PCBD2: variants seen among roughly 807,000 people sequenced by gnomAD.
PCBD2 encodes the protein pterin-4-alpha-carbinolamine dehydratase 2.
A neutral mutation model predicts 16.4 loss-of-function variants in PCBD2; 12 were observed. That is an observed-to-expected ratio of 0.73 (90% CI 0.47 to 1.19). The LOEUF is 1.19. Among genes scored for constraint, PCBD2 ranks in the 50% most tolerant of loss-of-function variants. PCBD2 has a pLI of 0.00. For synonymous variants in PCBD2, 58 were observed against 61.8 expected (o/e 0.94, Z 0.29); for missense variants, 138 against 156.8 (o/e 0.88, Z 0.64).
intron 2 of PCBD2, among the ~76,000 whole-genome samples, chr5:134,929,215 C>A (rs1459786062): frequency 1.3e-5 from 2 of 152,038 alleles, no homozygotes; most frequent in Non-Finnish European, 2.9e-5. Context: ...AGGCTGTTGG[C>A]TCTTGCCTGT....
At chr5:134,912,951 A>G (rs1750785724) in intron 2 of PCBD2, among the ~76,000 whole-genome samples, 1 of 152,316 alleles carries the variant, frequency 6.6e-6, no homozygotes, top group East Asian at 1.9e-4. Flanking sequence ...GCATAACATT[A>G]AAATAGGATG....
chr5:134,959,114 CA>C lies in PCBD2; in HGVS notation c.293del (p.Asn98ThrfsTer5). The stretch of plus-strand genomic sequence containing the variant: ...ATCACCCAGAATGGTTCAATGTATA[CA>C]ACAAGGTAACTAAACTGCCTTATTT... ...NHHPEWFNVY[N>X]KVQITLTSHD... On this transcript the variant is annotated frameshift_variant, in exon 3 of 4. Coordinates refer to ENST00000254908, the MANE Select transcript of PCBD2 (RefSeq NM_032151.5). LOFTEE classifies it high-confidence loss of function. 6.2e-7 allele frequency: 1 copy of C among 1,610,124 alleles called. No individual in the cohort carries two copies. The highest frequency in any genetic ancestry group is 1.1e-5 in the South Asian group (1 of 90,490).
intron 1 of PCBD2, among the ~76,000 whole-genome samples, chr5:134,906,314 C>T (rs1750689494): frequency 6.8e-6 from 1 of 146,736 alleles, no homozygotes; most frequent in Non-Finnish European, 1.5e-5. Flanking sequence ...CGCCATTTTC[C>T]TGCCTCAGCC....
intron 2 of PCBD2, among the ~76,000 whole-genome samples, chr5:134,929,455 A>C (rs1338526041): frequency 1.3e-5 from 2 of 152,132 alleles, no homozygotes; most frequent in East Asian, 3.9e-4. Context: ...TGAGACACCA[A>C]GTAAGATGAG....
Position 134,960,754 on chromosome 5 carries a change from C to T in PCBD2, c.*73C>T. The T allele has an allele frequency of 4.2e-6, 5 of 1,201,378 alleles. No homozygotes were observed. Among genetic ancestry groups the T allele is most frequent in the Non-Finnish European group, 6.1e-6 (5 of 821,742 alleles). 74.4% of individuals were successfully genotyped at this position (1,201,378 alleles called of 1,614,324 possible). A position where few individuals can be genotyped will look rare whatever the true frequency, so the allele number is the denominator to read the frequency against. ...GTATGTTGAAGGAAATTTATGTGAA[C>T]AAATAGAGTTGTTCTTTTTCTCTTT... On this transcript the variant is annotated 3_prime_UTR_variant, in exon 4 of 4. Transcript: ENST00000254908.
rs1477304514 is a variant in PCBD2, at chr5:134,927,241, G to A, written c.216+16775G>A. On this transcript the variant is annotated intron_variant, in intron 2 of 3. Coordinates refer to ENST00000254908, the MANE Select transcript of PCBD2 (RefSeq NM_032151.5). ...GAGCTTGTTATAATTATGCCTCACAGGGATAGTACAAGGAAGGGGTAGGCT... is the reference window on the plus strand; with the variant it reads ...GAGCTTGTTATAATTATGCCTCACAAGGATAGTACAAGGAAGGGGTAGGCT... 4 of 398,370 alleles carry A rather than the reference G, an allele frequency of 1.0e-5. No individual in the cohort carries two copies. The East Asian group carries it at 1.1e-4, about 11-fold the overall frequency. 24.7% of individuals were successfully genotyped at this position (398,370 alleles called of 1,614,324 possible).
chr5:134,917,253 C>G (rs993793478), intron 2 of PCBD2, among the ~76,000 whole-genome samples: 1 of 152,242 alleles, frequency 6.6e-6, no homozygotes, highest in African/African-American at 2.4e-5. Flanking sequence ...CAGGTGCCAG[C>G]AGGTGGAGCC....
chr5:134,912,361 C>T (rs144227712), intron 2 of PCBD2, among the ~76,000 whole-genome samples: 354 of 152,296 alleles, frequency 2.3e-3, no homozygotes, highest in Admixed American at 6.0e-3. Flanking sequence ...TCCAGCGAAA[C>T]ACAACTAGGA....
chr5:134,932,492 C>A (rs1327617024), intron 2 of PCBD2, among the ~76,000 whole-genome samples: 1 of 152,106 alleles, frequency 6.6e-6, no homozygotes, highest in Admixed American at 6.6e-5. Context: ...CAGGGATGCG[C>A]CACCACGCTC....
chr5:134,944,535 A>G (rs1401615874), intron 2 of PCBD2, among the ~76,000 whole-genome samples: 2 of 151,942 alleles, frequency 1.3e-5, no homozygotes, highest in African/African-American at 2.4e-5. Flanking sequence ...GTGACATTAA[A>G]AAAAAAAACA....
At chr5:134,947,094 A>T (rs1256724599) in intron 2 of PCBD2, among the ~76,000 whole-genome samples, 1 of 151,886 alleles carries the variant, frequency 6.6e-6, no homozygotes, top group Non-Finnish European at 1.5e-5. Context: ...TAAAAAAAAA[A>T]ATTTTTTTTT....
At chr5:134,925,232 A>G (rs1345139461) in intron 2 of PCBD2, 1 of 398,536 alleles carries the variant, frequency 2.5e-6, no homozygotes, top group African/African-American at 2.1e-5. Flanking sequence ...AGAGTAATAG[A>G]CAGGGCTCAG....
chr5:134,932,789 G>A (rs1009460826), intron 2 of PCBD2, among the ~76,000 whole-genome samples: 8 of 151,950 alleles, frequency 5.3e-5, no homozygotes, highest in South Asian at 2.1e-4. Context: ...TGGCCAATTC[G>A]GAGTTTCTTA....
At chr5:134,931,532 G>A (rs1751095699) in intron 2 of PCBD2, among the ~76,000 whole-genome samples, 1 of 152,148 alleles carries the variant, frequency 6.6e-6, no homozygotes. Context: ...CCTAAGGTTA[G>A]GTGTTCGTAT....
rs1751390954 is a variant in PCBD2 at position 134,954,231 on chromosome 5, G to T, written c.217-4809G>T. On this transcript the variant is annotated intron_variant, in intron 2 of 3. Coordinates refer to ENST00000254908, the MANE Select transcript of PCBD2 (RefSeq NM_032151.5). ...CAACCTTGGATTCCCAAAGCGCTGG[G>T]ATTACAGGCATGAACCATTGTGCCC... 2.6e-5 allele frequency among the ~76,000 whole-genome samples: 4 copies of T among 152,194 alleles called. No homozygotes were observed. In the South Asian group the frequency reaches 8.3e-4, roughly 32 times the overall value.
intron 1 of PCBD2, among the ~76,000 whole-genome samples, chr5:134,907,492 C>T (rs990202484): frequency 3.3e-5 from 5 of 152,122 alleles, no homozygotes; most frequent in Admixed American, 2.6e-4. Context: ...CTGCTCGCCT[C>T]GGCCTCCCAA....
chr5:134,940,393 AC>A (rs1751211532), intron 2 of PCBD2, among the ~76,000 whole-genome samples: 1 of 150,662 alleles, frequency 6.6e-6, no homozygotes, highest in African/African-American at 2.4e-5. Context: ...TTTATTTCTG[AC>A]CTTGTGCCCA....
At position 134,905,170 on chromosome 5, in the gene PCBD2, A is replaced by G. The variant is rs1289108808; in HGVS notation, c.31A>G (p.Thr11Ala). 4 of 1,222,574 alleles carry G rather than the reference A, an allele frequency of 3.3e-6. No homozygotes were observed. Among genetic ancestry groups the G allele is most frequent in the Non-Finnish European group, 3.1e-6 (3 of 982,612 alleles). The allele number at this position is 1,222,574 out of a possible 1,614,324, so 75.7% of individuals were successfully genotyped here. MAAVLGALGATRRLLAALRGQ... is the reference protein window; with the variant it reads MAAVLGALGAARRLLAALRGQ... Reference sequence around the variant, plus strand: ...GGCGGTGCTCGGGGCGCTCGGGGCGACGCGGCGCTTGTTGGCGGCGCTGCG... The same window carrying G: ...GGCGGTGCTCGGGGCGCTCGGGGCGGCGCGGCGCTTGTTGGCGGCGCTGCG... The change falls in exon 1 of 4, where the codon ACG becomes GCG. Residue 11 changes from threonine (T) to alanine (A), a missense_variant. Thr to Ala is a moderately conservative substitution (Grantham distance 58, BLOSUM62 0). Coordinates refer to ENST00000254908, the MANE Select transcript of PCBD2 (RefSeq NM_032151.5).
rs183102831 is a variant in PCBD2 at position 134,962,347 on chromosome 5, G to A, written c.*1666G>A. 1.0e-3 allele frequency among the ~76,000 whole-genome samples: 154 copies of A among 152,050 alleles called. No homozygotes were observed. The highest frequency in any genetic ancestry group is 3.4e-3 in the Middle Eastern group (1 of 294). ...GGGCTCGAGTAATCCTCCTGCCTTG[G>A]CCTCTCAAAATGTTGGGATTACAGG... On this transcript the variant is annotated 3_prime_UTR_variant, in exon 4 of 4. Coordinates refer to ENST00000254908, the MANE Select transcript of PCBD2 (RefSeq NM_032151.5).
Sources: gnomAD v4.1 joint callset for allele counts (sites outside exome capture counted in the v4.1 genomes callset) on GRCh38, gnomAD v4.1.1 for gene constraint, MANE v1.5 for transcripts, NCBI Gene and HGNC (gene_info 2026-07-23, HGNC 2026-07-21) for gene names.